The following SFI1 variants were observed in gnomAD, a reference collection of about 807,000 sequenced individuals.
SFI1 encodes the protein SFI1 centrin binding protein.
SFI1 carries 195 observed loss-of-function variants against 207.5 expected under a neutral mutation model. The ratio of observed to expected loss-of-function variants is 0.94; its 90% CI spans 0.84 to 1.06. The LOEUF (loss-of-function observed/expected upper bound fraction) is 1.06. SFI1 is among the 50% of genes least tolerant of loss of function. The pLI is 0.00. For synonymous variants in SFI1, 630 were observed against 598.9 expected (o/e 1.05, Z -0.76); for missense variants, 1,634 against 1,588.0 (o/e 1.03, Z -0.49).
chr22:31,576,136 T>C (rs1313649973), intron 10 of SFI1, among the ~76,000 whole-genome samples: 2 of 151,838 alleles, frequency 1.3e-5, no homozygotes, highest in East Asian at 3.9e-4. Context: ...GCGATTCTCC[T>C]GCCTTAGCCT....
chr22:31,505,836 A>G (rs909669383), intron 1 of SFI1, among the ~76,000 whole-genome samples: 7 of 152,082 alleles, frequency 4.6e-5, no homozygotes, highest in Non-Finnish European at 8.8e-5. Flanking sequence ...GTGAGCCGTG[A>G]TGGTGCCGCA....
At chr22:31,567,394 C>G (rs1602894728) in intron 8 of SFI1, among the ~76,000 whole-genome samples, 1 of 152,068 alleles carries the variant, frequency 6.6e-6, no homozygotes, top group Non-Finnish European at 1.5e-5. Flanking sequence ...GCAGGCTGTG[C>G]CTGATAAAAA....
chr22:31,521,625 G>T (rs373759472), intron 2 of SFI1: 1 of 152,276 alleles, frequency 6.6e-6, no homozygotes, highest in Non-Finnish European at 1.5e-5. Flanking sequence ...ACAAGGCAGA[G>T]AAAGGGCTAG....
chr22:31,511,544 T>C (rs1011702007), intron 2 of SFI1, among the ~76,000 whole-genome samples: 1 of 147,628 alleles, frequency 6.8e-6, no homozygotes, highest in Non-Finnish European at 1.5e-5. Context: ...CTCCGCTCAC[T>C]GCAACCTCTG....
At chr22:31,546,007 C>T (rs1021512966) in intron 4 of SFI1, among the ~76,000 whole-genome samples, 15 of 151,534 alleles carry the variant, frequency 9.9e-5, no homozygotes, top group Admixed American at 8.6e-4. Context: ...ATCCTCCCAC[C>T]TCAGCCTCCC....
chr22:31,547,142 GCA>G (rs1354817792), intron 5 of SFI1, among the ~76,000 whole-genome samples, 171 bp downstream of exon 5: 1 of 151,932 alleles, frequency 6.6e-6, no homozygotes, highest in African/African-American at 2.4e-5. Flanking sequence ...AAGCATGCAT[GCA>G]CATGCTGGGC....
rs1569447402 is a variant in SFI1 at position 31,603,764 on chromosome 22, CAGCAGAATTCCACATGGCCCAG to C, written c.1827_1848del (p.Ala610SerfsTer23). The stretch of plus-strand genomic sequence containing the variant: ...CACAGGAGGACGGGCAGGGTGCGGG[CAGCAGAATTCCACATGGCCCAG>C]CTCCTGCGTTGGGCCTGGAGCCAGT... On this transcript the variant is annotated frameshift_variant, in exon 18 of 33. Coordinates refer to ENST00000400288, the MANE Select transcript of SFI1 (RefSeq NM_001007467.3). LOFTEE classifies it high-confidence loss of function. 1 of 1,544,814 alleles carries C rather than the reference CAGCAGAATTCCACATGGCCCAG, an allele frequency of 6.5e-7. No individual in the cohort carries two copies. The highest frequency in any genetic ancestry group is 8.6e-7 in the Non-Finnish European group (1 of 1,158,584).
intron 6 of SFI1, among the ~76,000 whole-genome samples, chr22:31,555,698 G>A (rs1453588946): frequency 6.6e-6 from 1 of 152,186 alleles, no homozygotes; most frequent in Non-Finnish European, 1.5e-5. Flanking sequence ...ACTTGTATGA[G>A]ATTAGGTGTG....
intron 5 of SFI1, among the ~76,000 whole-genome samples, chr22:31,547,252 G>A (rs1251305352): frequency 1.3e-5 from 2 of 152,036 alleles, no homozygotes; most frequent in Non-Finnish European, 2.9e-5. Flanking sequence ...TTTTCCCACC[G>A]ATTTTCATTT....
At chr22:31,521,781 T>C (rs1157288851) in intron 2 of SFI1, among the ~76,000 whole-genome samples, 1 of 152,050 alleles carries the variant, frequency 6.6e-6, no homozygotes, top group Non-Finnish European at 1.5e-5. Flanking sequence ...TTTCTTTTTT[T>C]TTGAGACAGT....
At chr22:31,565,419 G>A (rs753387952) in intron 8 of SFI1, among the ~76,000 whole-genome samples, 7 of 151,630 alleles carry the variant, frequency 4.6e-5, no homozygotes, top group Non-Finnish European at 8.8e-5. Flanking sequence ...AAGGCGGGAG[G>A]GGTCACGGTG....
At chr22:31,615,607 AG>A (rs1358366267) in intron 29 of SFI1, 1 of 264,298 alleles carries the variant, frequency 3.8e-6, no homozygotes, top group African/African-American at 2.2e-5. Context: ...TGAGAAGAGT[AG>A]GAAGTCGGGG....
intron 4 of SFI1, among the ~76,000 whole-genome samples, chr22:31,541,191 A>T (rs140864253): frequency 5.9e-5 from 9 of 152,186 alleles, no homozygotes; most frequent in Non-Finnish European, 1.3e-4. Context: ...CTGTGCCACC[A>T]GCTGGGTGCT....
chr22:31,549,978 G>A (rs2060476165), intron 5 of SFI1, among the ~76,000 whole-genome samples: 1 of 151,926 alleles, frequency 6.6e-6, no homozygotes, highest in Admixed American at 6.6e-5. Flanking sequence ...TGTCCAGGCT[G>A]GAGTGCAGTG....
chr22:31,580,405 C>A, intron 12 of SFI1, 41 bp downstream of exon 12: 2 of 1,509,058 alleles, frequency 1.3e-6, no homozygotes, highest in Non-Finnish European at 1.8e-6. Context: ...CTTCTGAAGG[C>A]CATTCTCTCT....
chr22:31,505,441 A>G (rs543783004), intron 1 of SFI1, among the ~76,000 whole-genome samples: 1,729 of 139,252 alleles, frequency 0.012, 15 homozygotes, highest in Middle Eastern at 0.031. Flanking sequence ...TGTCTCGGAA[A>G]AAAAGAAAAA....
chr22:31,526,446 A>G (rs190788923), intron 2 of SFI1, among the ~76,000 whole-genome samples: 12 of 152,312 alleles, frequency 7.9e-5, no homozygotes, highest in African/African-American at 2.9e-4. Flanking sequence ...GCATGGGGGA[A>G]CTACCACCAT....
intron 5 of SFI1, among the ~76,000 whole-genome samples, chr22:31,547,550 A>T (rs1343846218): frequency 6.6e-6 from 1 of 151,836 alleles, no homozygotes; most frequent in Non-Finnish European, 1.5e-5. Flanking sequence ...ACTTCAGGTG[A>T]TCCGCCTGCC....
chr22:31,535,756 A>C (rs1401400040), intron 4 of SFI1, among the ~76,000 whole-genome samples: 1 of 151,944 alleles, frequency 6.6e-6, no homozygotes, highest in African/African-American at 2.4e-5. Flanking sequence ...GTCTTTATAT[A>C]TTTTTTAGAG....
Sources: allele counts gnomAD v4.1 joint callset (sites outside exome capture counted in the v4.1 genomes callset), GRCh38; gene constraint gnomAD v4.1.1; transcripts MANE v1.5; gene names NCBI Gene and HGNC (gene_info 2026-07-23, HGNC 2026-07-21).